HS3ST5: variants seen among roughly 807,000 people sequenced by gnomAD.
The protein encoded by HS3ST5 is heparan sulfate glucosamine 3-O-sulfotransferase 5.
In HS3ST5, 10 loss-of-function variants were observed where a neutral mutation model predicts 25.4. The ratio of observed to expected loss-of-function variants is 0.39; its 90% CI spans 0.24 to 0.67. The LOEUF (loss-of-function observed/expected upper bound fraction) is 0.67, where lower values mean the gene tolerates loss of function less well. Among genes scored for constraint, HS3ST5 ranks in the 30% least tolerant of loss-of-function variants. The pLI is 0.44. For synonymous variants in HS3ST5, 170 were observed against 162.4 expected, an observed-to-expected ratio of 1.05 and a Z score of -0.36; for missense variants, 324 against 420.7, an observed-to-expected ratio of 0.77 and a Z score of 2.01.
chr6:114,280,225 T>C (rs1301988703), intron 1 of HS3ST5, among the ~76,000 whole-genome samples: 1 of 151,774 alleles, frequency 6.6e-6, no homozygotes, highest in Non-Finnish European at 1.5e-5. Flanking sequence ...AAAGGTAAAA[T>C]TGTTCAGGGT....
At chr6:114,140,430 G>A (rs925385227) in intron 3 of HS3ST5, among the ~76,000 whole-genome samples, 4 of 152,116 alleles carry the variant, frequency 2.6e-5, no homozygotes, top group African/African-American at 4.8e-5. Context: ...GGTAGATCTG[G>A]CCAAAATCAC....
At chr6:114,144,437 TC>T (rs369517851) in intron 3 of HS3ST5, among the ~76,000 whole-genome samples, 23 of 152,302 alleles carry the variant, frequency 1.5e-4, no homozygotes, top group African/African-American at 5.5e-4. Context: ...GAAAGAAAAC[TC>T]TTTCAGCTTT....
intron 1 of HS3ST5, among the ~76,000 whole-genome samples, chr6:114,245,867 G>A (rs1196899848): frequency 3.9e-5 from 6 of 152,102 alleles, no homozygotes; most frequent in South Asian, 2.1e-4. Flanking sequence ...ACCCAAACCC[G>A]GTTAGTAAAA....
chr6:114,194,754 T>C (rs1780661032), intron 2 of HS3ST5, among the ~76,000 whole-genome samples: 1 of 152,186 alleles, frequency 6.6e-6, no homozygotes. Context: ...GGCATGAAGC[T>C]CAGTTGCACA....
At chr6:114,126,415 G>A (rs1428610464) in intron 3 of HS3ST5, among the ~76,000 whole-genome samples, 1 of 152,174 alleles carries the variant, frequency 6.6e-6, no homozygotes, top group African/African-American at 2.4e-5. Context: ...AGTCTGGTAA[G>A]AGGTGGTATG....
At chr6:114,181,639 G>A (rs1275936722) in intron 2 of HS3ST5, among the ~76,000 whole-genome samples, 1 of 152,154 alleles carries the variant, frequency 6.6e-6, no homozygotes, top group African/African-American at 2.4e-5. Context: ...CTCTAACCTT[G>A]TATTAAGCTG....
chr6:114,288,476 T>C (rs530042943), intron 1 of HS3ST5, among the ~76,000 whole-genome samples: 1 of 152,210 alleles, frequency 6.6e-6, no homozygotes, highest in South Asian at 2.1e-4. Context: ...AAATAAATTA[T>C]TTGCTATCTT....
At chr6:114,198,550 A>C (rs1183285066) in intron 2 of HS3ST5, among the ~76,000 whole-genome samples, 2 of 152,212 alleles carry the variant, frequency 1.3e-5, no homozygotes, top group Non-Finnish European at 2.9e-5. Flanking sequence ...AATAGGTTTA[A>C]GGTGCAATTA....
chr6:114,205,052 T>C (rs1253005472), intron 2 of HS3ST5, among the ~76,000 whole-genome samples: 1 of 152,136 alleles, frequency 6.6e-6, no homozygotes, highest in Non-Finnish European at 1.5e-5. Flanking sequence ...GTTTGTTTTT[T>C]CCAAACAACA....
chr6:114,317,804 G>GA (rs1291265464), intron 1 of HS3ST5, among the ~76,000 whole-genome samples: 1 of 148,874 alleles, frequency 6.7e-6, no homozygotes, highest in Non-Finnish European at 1.5e-5. Flanking sequence ...GCGGGGGGCG[G>GA]GGGGGTAGGC....
At chr6:114,208,664 T>C (rs1562238483) in intron 2 of HS3ST5, among the ~76,000 whole-genome samples, 2 of 152,176 alleles carry the variant, frequency 1.3e-5, no homozygotes, top group Non-Finnish European at 2.9e-5. Flanking sequence ...ATAAAAGCTA[T>C]AGATACGTTT....
At chr6:114,286,308 G>A (rs1280300587) in intron 1 of HS3ST5, among the ~76,000 whole-genome samples, 1 of 151,896 alleles carries the variant, frequency 6.6e-6, no homozygotes, top group African/African-American at 2.4e-5. Context: ...ATCAGCGGCT[G>A]AGGGGAGGAA....
At chr6:114,252,048 G>C (rs1772688585) in intron 1 of HS3ST5, 1 of 152,130 alleles carries the variant, frequency 6.6e-6, no homozygotes, top group South Asian at 2.1e-4. Context: ...AAAGAGTTAA[G>C]AGCCATAAAT....
chr6:114,081,657 G>A (rs1774456440), intron 3 of HS3ST5, among the ~76,000 whole-genome samples: 1 of 152,184 alleles, frequency 6.6e-6, no homozygotes, highest in South Asian at 2.1e-4. Context: ...AATGACAACA[G>A]TAGAATTAGT....
chr6:114,248,265 T>G (rs1162093294), intron 1 of HS3ST5, among the ~76,000 whole-genome samples: 2 of 149,538 alleles, frequency 1.3e-5, no homozygotes, highest in African/African-American at 4.9e-5. Flanking sequence ...CTCCACTAAT[T>G]ATACATACAT....
At chr6:114,259,900 A>T (rs917744242) in intron 1 of HS3ST5, among the ~76,000 whole-genome samples, 4 of 152,162 alleles carry the variant, frequency 2.6e-5, no homozygotes, top group African/African-American at 7.2e-5. Flanking sequence ...CCACTAATAA[A>T]TTGTTTTTAT....
At chr6:114,200,644 C>G (rs1032636982) in intron 2 of HS3ST5, among the ~76,000 whole-genome samples, 1 of 152,058 alleles carries the variant, frequency 6.6e-6, no homozygotes, top group Non-Finnish European at 1.5e-5. Context: ...AAACACATGC[C>G]TTTTTGCAAA....
At chr6:114,313,515 T>C (rs1399760061) in intron 1 of HS3ST5, among the ~76,000 whole-genome samples, 1 of 152,080 alleles carries the variant, frequency 6.6e-6, no homozygotes, top group Admixed American at 6.5e-5. Context: ...TAAAAAGAAA[T>C]GAAGTAATGA....
Position 114,057,519 on chromosome 6 carries a change from G to C in HS3ST5, c.779C>G (p.Thr260Arg), listed in dbSNP as rs529073825. The C allele has an allele frequency of 6.2e-7, 1 of 1,614,190 alleles. No homozygotes were observed. The highest frequency in any genetic ancestry group is 8.5e-7 in the Non-Finnish European group (1 of 1,180,036). The change falls in exon 5 of 5, where the codon ACG becomes AGG. Residue 260 changes from threonine to arginine, a missense_variant. Coordinates refer to ENST00000312719, the MANE Select transcript of HS3ST5 (RefSeq NM_153612.4). ...GAGCTGAAGTTCTGGCAGAGGTTCC[G>C]TGATGAGGCGATCTCCATCGACGAC... ...FHVVDGDRLI[T>R]EPLPELQLVE...
Sources: gnomAD v4.1 joint callset for allele counts (sites outside exome capture counted in the v4.1 genomes callset) on GRCh38, gnomAD v4.1.1 for gene constraint, MANE v1.5 for transcripts, NCBI Gene and HGNC (gene_info 2026-07-23, HGNC 2026-07-21) for gene names.